CSMD1: variants seen among roughly 807,000 people sequenced by gnomAD.
CSMD1 encodes CUB and sushi domain-containing protein 1.
In CSMD1, 213 loss-of-function variants were observed where a neutral mutation model predicts 417.5. That is an observed-to-expected ratio of 0.51 (90% CI 0.46 to 0.57). The LOEUF (loss-of-function observed/expected upper bound fraction) is 0.57, where lower values mean the gene tolerates loss of function less well. CSMD1 is among the 20% of genes least tolerant of loss of function. The pLI is 0.00. For synonymous variants in CSMD1, 2,862 were observed against 1,736.8 expected, an observed-to-expected ratio of 1.65 and a Z score of -16.11; for missense variants, 6,923 against 4,529.7, an observed-to-expected ratio of 1.53 and a Z score of -15.17.
chr8:4,708,246 G>C (rs1465410252), intron 1 of CSMD1, among the ~76,000 whole-genome samples: 13 of 152,260 alleles, frequency 8.5e-5, no homozygotes, highest in Admixed American at 8.5e-4. Flanking sequence ...CACTGCATCT[G>C]GCCTTCAGTG....
chr8:3,239,754 C>G (rs79093447), intron 26 of CSMD1, among the ~76,000 whole-genome samples: 2 of 152,120 alleles, frequency 1.3e-5, no homozygotes, highest in African/African-American at 4.8e-5. Context: ...TGGAACTGCC[C>G]TCAATAAACC....
At chr8:3,712,913 C>G (rs6988727) in intron 6 of CSMD1, among the ~76,000 whole-genome samples, 3,718 of 152,138 alleles carry the variant, frequency 0.024, 144 homozygotes, top group African/African-American at 0.085. Context: ...GGAATAAGTT[C>G]AAGAGATCCC....
Position 3,887,137 on chromosome 8 carries a change from G to A in CSMD1, c.818+110766C>T, listed in dbSNP as rs374404861. On this transcript the variant is annotated intron_variant, in intron 5 of 69. Coordinates refer to ENST00000635120, the MANE Select transcript of CSMD1 (RefSeq NM_033225.6). ...ACTTCTACCAAAACTCTATTGTGTG[G>A]GTGAGGATGATGGCATGCGTAGAGG... is the stretch of plus-strand genomic sequence containing the variant. Among the ~76,000 whole-genome samples, 9 of 152,210 alleles carry A rather than the reference G, an allele frequency of 5.9e-5. No homozygotes were observed. The South Asian group carries it at 1.5e-3, about 25-fold the overall frequency.
intron 52 of CSMD1, among the ~76,000 whole-genome samples, chr8:3,010,230 T>A (rs889301799): frequency 6.6e-6 from 1 of 152,180 alleles, no homozygotes; most frequent in African/African-American, 2.4e-5. Context: ...ATCTTCGGTG[T>A]TGCCTGTTTA....
chr8:4,037,737 C>G (rs1797693062), intron 3 of CSMD1, among the ~76,000 whole-genome samples: 1 of 152,106 alleles, frequency 6.6e-6, no homozygotes, highest in Non-Finnish European at 1.5e-5. Flanking sequence ...TTCTTTATGA[C>G]TCTATCAGAT....
chr8:4,894,292 T>C (rs894636465), intron 1 of CSMD1, among the ~76,000 whole-genome samples: 5 of 152,106 alleles, frequency 3.3e-5, no homozygotes, highest in African/African-American at 1.2e-4. Context: ...TTCAAATTTA[T>C]TGAATTTATA....
chr8:4,346,939 G>T (rs894830394), intron 3 of CSMD1, among the ~76,000 whole-genome samples: 1 of 152,136 alleles, frequency 6.6e-6, no homozygotes, highest in South Asian at 2.1e-4. Flanking sequence ...ATTTGAAAGT[G>T]AGTTTAGTTA....
chr8:3,618,787 G>T (rs1348418074), intron 7 of CSMD1, among the ~76,000 whole-genome samples: 1 of 152,170 alleles, frequency 6.6e-6, no homozygotes, highest in African/African-American at 2.4e-5. Flanking sequence ...ATTTCATGAT[G>T]TCTTACTCTC....
intron 1 of CSMD1, among the ~76,000 whole-genome samples, chr8:4,982,810 C>G (rs932729346): frequency 6.6e-6 from 1 of 152,178 alleles, no homozygotes; most frequent in African/African-American, 2.4e-5. Context: ...GACGCCTCAG[C>G]TTTTCAACAC....
chr8:4,464,789 G>C (rs951351189), intron 2 of CSMD1, among the ~76,000 whole-genome samples: 12 of 152,196 alleles, frequency 7.9e-5, no homozygotes, highest in African/African-American at 2.7e-4. Context: ...GCTGGGCTGA[G>C]AGATCAAGAA....
intron 12 of CSMD1, among the ~76,000 whole-genome samples, chr8:3,465,546 T>A (rs1215333265): frequency 6.6e-6 from 1 of 152,054 alleles, no homozygotes; most frequent in Non-Finnish European, 1.5e-5. Flanking sequence ...CCAGGGAGAT[T>A]TTCTCAGAGA....
intron 26 of CSMD1, among the ~76,000 whole-genome samples, chr8:3,238,145 G>T (rs1799272972): frequency 6.6e-6 from 1 of 151,860 alleles, no homozygotes. Flanking sequence ...GTACGTAAAG[G>T]AAAATTACAG....
chr8:2,987,928 T>C (rs969150918), intron 54 of CSMD1, among the ~76,000 whole-genome samples: 2 of 152,180 alleles, frequency 1.3e-5, no homozygotes, highest in African/African-American at 4.8e-5. Context: ...GTGCAGGATG[T>C]GCAGGTTTGT....
At chr8:4,589,186 T>C (rs957433791) in intron 2 of CSMD1, among the ~76,000 whole-genome samples, 1 of 152,172 alleles carries the variant, frequency 6.6e-6, no homozygotes, top group Non-Finnish European at 1.5e-5. Flanking sequence ...AAAAGGGAAT[T>C]GGATAGAGCC....
At chr8:4,306,530 G>C (rs1453317379) in intron 3 of CSMD1, among the ~76,000 whole-genome samples, 1 of 152,258 alleles carries the variant, frequency 6.6e-6, no homozygotes, top group Middle Eastern at 3.4e-3. Context: ...TGCTCATCTT[G>C]AAGACAAAAT....
intron 12 of CSMD1, among the ~76,000 whole-genome samples, chr8:3,422,189 C>G (rs1414728153): frequency 6.6e-6 from 1 of 152,130 alleles, no homozygotes; most frequent in Non-Finnish European, 1.5e-5. Flanking sequence ...TATTTTCAGT[C>G]TTGTTGCCTC....
At chr8:2,993,703 C>T (rs912438630) in intron 54 of CSMD1, among the ~76,000 whole-genome samples, 3 of 152,062 alleles carry the variant, frequency 2.0e-5, no homozygotes, top group Non-Finnish European at 2.9e-5. Context: ...GGTTTTGTTT[C>T]TAATGTTTTA....
intron 5 of CSMD1, among the ~76,000 whole-genome samples, chr8:3,971,560 T>TA (rs1158392191): frequency 2.0e-5 from 3 of 152,180 alleles, no homozygotes; most frequent in African/African-American, 7.2e-5. Context: ...AATGAAAAAT[T>TA]AAAAAATTAA....
In CSMD1 at chr8:3,359,226, A is replaced by G; in HGVS notation, c.3230T>C (p.Leu1077Ser). 2 of 1,613,876 alleles carry G rather than the reference A, an allele frequency of 1.2e-6. No homozygotes were observed. The highest frequency in any genetic ancestry group is 1.3e-5 in the African/African-American group (1 of 75,022). ...GCAGGTAAGCTTGGTGGCACCTTCTAAACGATATCCCAGGAAGCAGGAAAA... is the reference window on the plus strand; with the variant it reads ...GCAGGTAAGCTTGGTGGCACCTTCTGAACGATATCCCAGGAAGCAGGAAAA... The part of the protein sequence containing the change: ...LTFSCFLGYR[L>S]EGATKLTCLG... The change falls in exon 21 of 70, where the codon TTA (leucine) becomes TCA (serine). Residue 1077 changes from leucine to serine, a missense_variant. Transcript: ENST00000635120.
Sources: allele counts gnomAD v4.1 joint callset (sites outside exome capture counted in the v4.1 genomes callset), GRCh38; gene constraint gnomAD v4.1.1; transcripts MANE v1.5; gene names NCBI Gene and HGNC (gene_info 2026-07-23, HGNC 2026-07-21).